LRRC38: variants seen among roughly 807,000 people sequenced by gnomAD.
The protein encoded by LRRC38 is leucine rich repeat containing 38.
A neutral mutation model predicts 16.4 loss-of-function variants in LRRC38; 5 were observed. The ratio of observed to expected loss-of-function variants is 0.31; its 90% CI spans 0.16 to 0.64. The LOEUF (loss-of-function observed/expected upper bound fraction) is 0.64, where lower values mean the gene tolerates loss of function less well. LRRC38 is among the 30% of genes least tolerant of loss of function. The pLI is 0.80. For missense variants in LRRC38, 341 were observed against 401.8 expected (o/e 0.85, Z 1.29); for synonymous variants, 191 against 190.2 (o/e 1.00, Z -0.04).
At chr1:13,481,727 C>G (rs2100491286) in intron 1 of LRRC38, among the ~76,000 whole-genome samples, 1 of 151,116 alleles carries the variant, frequency 6.6e-6, no homozygotes, top group African/African-American at 2.4e-5. Flanking sequence ...CACCAGAGAG[C>G]TCTCCCAATC....
intron 1 of LRRC38, among the ~76,000 whole-genome samples, chr1:13,481,266 A>G (rs1418634978): frequency 6.6e-6 from 1 of 151,716 alleles, no homozygotes; most frequent in Non-Finnish European, 1.5e-5. Flanking sequence ...TGTGTACCAC[A>G]ATGTCCAGTT....
intron 1 of LRRC38, among the ~76,000 whole-genome samples, chr1:13,486,788 G>A (rs564335024): frequency 1.3e-5 from 2 of 151,936 alleles, no homozygotes; most frequent in South Asian, 2.1e-4. Flanking sequence ...ACGAGATTTC[G>A]CCATGTTGCC....
chr1:13,513,419 G>T lies in LRRC38; in HGVS notation c.175C>A (p.Arg59Ser). The stretch of plus-strand genomic sequence containing the variant: ...CGGTTGCCGGCCACCAGCAGCTTGC[G>T]CACGTCCAGGGGGAAAGGGTCTGGC... ...SVPDPFPLDV[R>S]KLLVAGNRIQ... The change falls in exon 1 of 2, where the codon CGC becomes AGC. Residue 59 changes from arginine (R) to serine (S), a missense_variant. By Grantham distance (110) the Arg-to-Ser change is moderately radical. Transcript: ENST00000376085. 1 of 1,550,410 alleles carries T rather than the reference G, an allele frequency of 6.4e-7. No individual in the cohort carries two copies. Among genetic ancestry groups the T allele is most frequent in the Non-Finnish European group, 8.7e-7 (1 of 1,146,872 alleles).
intron 1 of LRRC38, among the ~76,000 whole-genome samples, chr1:13,504,897 A>C (rs146999207): frequency 6.6e-6 from 1 of 152,272 alleles, no homozygotes; most frequent in African/African-American, 2.4e-5. Flanking sequence ...AAAGAAAGAA[A>C]AAACAAACAG....
chr1:13,491,036 C>T (rs1481720226), intron 1 of LRRC38, among the ~76,000 whole-genome samples: 2 of 152,200 alleles, frequency 1.3e-5, no homozygotes, highest in Admixed American at 6.5e-5. Context: ...GAGTACTTCC[C>T]GGTTACCATT....
intron 1 of LRRC38, among the ~76,000 whole-genome samples, chr1:13,508,686 C>T (rs1192805450): frequency 1.3e-5 from 2 of 152,202 alleles, no homozygotes; most frequent in Non-Finnish European, 2.9e-5. Context: ...TCATCAGGAA[C>T]ATAAAGCTGC....
chr1:13,509,324 C>T (rs1366540878), intron 1 of LRRC38, among the ~76,000 whole-genome samples: 1 of 152,138 alleles, frequency 6.6e-6, no homozygotes, highest in Admixed American at 6.5e-5. Flanking sequence ...AATGCAGCCT[C>T]CCACCTTGAC....
chr1:13,498,168 A>G (rs1056905648), intron 1 of LRRC38, among the ~76,000 whole-genome samples: 1 of 152,048 alleles, frequency 6.6e-6, no homozygotes, highest in Non-Finnish European at 1.5e-5. Flanking sequence ...GATAATTGAC[A>G]AAATGAAGTC....
rs977736217 is a variant in LRRC38, at chr1:13,475,960, G to A, written c.771C>T (p.Ala257=). The A allele has an allele frequency of 5.4e-5, 84 of 1,550,530 alleles. No homozygotes were observed. Among genetic ancestry groups the A allele is most frequent in the African/African-American group, 1.1e-4 (8 of 73,132 alleles). ...TGGAGATGATGGCCGCAATGGACAC[G>A]GCCACACCGGAGAAAATGATGATGC... The part of the protein sequence containing the change: ...DLCIIIFSGV[A]VSIAAIISSF... Residue 257 remains alanine, a synonymous_variant, in exon 2 of 2, where the codon GCC becomes GCT. Transcript: ENST00000376085. The surrounding 1 kb of genome is among the most constrained non-coding windows in gnomAD (Gnocchi z 4.3).
At chr1:13,484,706 AACAG>A (rs1470765105) in intron 1 of LRRC38, among the ~76,000 whole-genome samples, 1 of 152,212 alleles carries the variant, frequency 6.6e-6, no homozygotes, top group East Asian at 1.9e-4. Flanking sequence ...GATCTTTGGA[AACAG>A]ACAGAGTGGA....
At chr1:13,508,155 T>C (rs1475450362) in intron 1 of LRRC38, among the ~76,000 whole-genome samples, 1 of 151,956 alleles carries the variant, frequency 6.6e-6, no homozygotes, top group South Asian at 2.1e-4. Flanking sequence ...TAGAAGAGCT[T>C]GAACCTGGGA....
At chr1:13,511,239 A>G (rs1322447826) in intron 1 of LRRC38, among the ~76,000 whole-genome samples, 1 of 152,088 alleles carries the variant, frequency 6.6e-6, no homozygotes. Flanking sequence ...CTCGACAACC[A>G]CTGGGTGGGA....
chr1:13,477,406 C>T (rs964461839), intron 1 of LRRC38, among the ~76,000 whole-genome samples: 14 of 151,998 alleles, frequency 9.2e-5, no homozygotes, highest in Non-Finnish European at 1.5e-4. Context: ...TAGGATGAAA[C>T]GTCAGGGTAG....
chr1:13,480,730 C>T (rs888366260), intron 1 of LRRC38, among the ~76,000 whole-genome samples: 7 of 152,106 alleles, frequency 4.6e-5, no homozygotes, highest in East Asian at 3.8e-4. Flanking sequence ...TGAGTTTGCT[C>T]CTCCTTCACC....
chr1:13,492,556 G>A (rs1204865534), intron 1 of LRRC38, among the ~76,000 whole-genome samples: 6 of 152,000 alleles, frequency 3.9e-5, no homozygotes, highest in Non-Finnish European at 8.8e-5. Context: ...ACAAAAATTA[G>A]CCGGGCCTGG....
At chr1:13,476,920 G>A (rs1638794921) in intron 1 of LRRC38, among the ~76,000 whole-genome samples, 1 of 151,998 alleles carries the variant, frequency 6.6e-6, no homozygotes, top group Non-Finnish European at 1.5e-5. Flanking sequence ...CCAACATGGT[G>A]AAATCCTGTT....
At chr1:13,503,346 G>GCAAGCTCCGCCTCCTGGGTT (rs1639173266) in intron 1 of LRRC38, among the ~76,000 whole-genome samples, 1 of 152,100 alleles carries the variant, frequency 6.6e-6, no homozygotes, top group Non-Finnish European at 1.5e-5. Context: ...TCGGCTCACT[G>GCAAGCTCCGCCTCCTGGGTT]CAAGCTCCGC....
At chr1:13,504,023 T>G (rs1391805904) in intron 1 of LRRC38, among the ~76,000 whole-genome samples, 1 of 152,256 alleles carries the variant, frequency 6.6e-6, no homozygotes, top group Non-Finnish European at 1.5e-5. Context: ...GCGTGGGTTG[T>G]CACACGTTTG....
At chr1:13,498,297 C>A (rs1340208741) in intron 1 of LRRC38, among the ~76,000 whole-genome samples, 1 of 151,786 alleles carries the variant, frequency 6.6e-6, no homozygotes, top group Non-Finnish European at 1.5e-5. Context: ...TTTCCCCACA[C>A]GCAAACCAAG....
Sources: gnomAD v4.1 joint callset for allele counts (sites outside exome capture counted in the v4.1 genomes callset) on GRCh38, gnomAD v4.1.1 for gene constraint, Gnocchi (gnomAD v3.1) non-coding constraint, MANE v1.5 for transcripts, NCBI Gene and HGNC (gene_info 2026-07-23, HGNC 2026-07-21) for gene names.